ASXL3: variants seen among roughly 807,000 people sequenced by gnomAD.
The protein encoded by ASXL3 is putative Polycomb group protein ASXL3.
In ASXL3, 34 loss-of-function variants were observed where a neutral mutation model predicts 170.6. The observed-to-expected ratio is 0.20, with a 90% CI of 0.15 to 0.27. The LOEUF is 0.27. Ranked by LOEUF, ASXL3 falls within the 10% of genes least tolerant of loss-of-function variation. The pLI, the probability that ASXL3 is intolerant of heterozygous loss-of-function variation, is 1.00. For synonymous variants in ASXL3, 1,002 were observed against 989.1 expected (o/e 1.01, Z -0.24); for missense variants, 2,592 against 2,695.3 (o/e 0.96, Z 0.85).
At chr18:33,689,953 C>T (rs1477128388) in intron 8 of ASXL3, among the ~76,000 whole-genome samples, 2 of 152,062 alleles carry the variant, frequency 1.3e-5, no homozygotes, top group Non-Finnish European at 2.9e-5. Context: ...TAAATTGTCC[C>T]ACATTTGGTC....
intron 2 of ASXL3, among the ~76,000 whole-genome samples, chr18:33,637,234 A>G (rs1219531762): frequency 6.6e-6 from 1 of 152,190 alleles, no homozygotes; most frequent in Non-Finnish European, 1.5e-5. Context: ...AATATGATAT[A>G]ACATTTCTCT....
chr18:33,703,665 C>T (rs1036138136), intron 8 of ASXL3, among the ~76,000 whole-genome samples: 2 of 152,046 alleles, frequency 1.3e-5, no homozygotes, highest in Non-Finnish European at 2.9e-5. Flanking sequence ...CCCCCCCAAC[C>T]CCCACCCCCA....
chr18:33,641,406 AAAC>A (rs142971999), intron 2 of ASXL3, among the ~76,000 whole-genome samples: 2,802 of 152,176 alleles, frequency 0.018, 93 homozygotes, highest in African/African-American at 0.064. Flanking sequence ...GGGGAAAAAC[AAAC>A]AAGTAGAATA....
chr18:33,748,760 C>G lies in ASXL3; in HGVS notation c.*2165C>G, dbSNP rs1021654142. On this transcript the variant is annotated 3_prime_UTR_variant, in exon 12 of 12. Transcript: ENST00000269197. ...TGCCAACTCCTTCCAAATTCATTCA[C>G]TGCTATACCAGTGTCAGATACTGTC... 1.3e-5 allele frequency: 2 copies of G among 152,238 alleles called. No individual in the cohort carries two copies. Among genetic ancestry groups the G allele is most frequent in the South Asian group, 4.1e-4 (2 of 4,834 alleles). 9.4% of individuals were successfully genotyped at this position (152,238 alleles called of 1,614,324 possible). A position where few individuals can be genotyped will look rare whatever the true frequency, so the allele number is the denominator to read the frequency against.
At chr18:33,654,420 T>G (rs888942349) in intron 4 of ASXL3, among the ~76,000 whole-genome samples, 1 of 152,098 alleles carries the variant, frequency 6.6e-6, no homozygotes, top group African/African-American at 2.4e-5. Flanking sequence ...TCACTTTTCT[T>G]TAGTTATATT....
intron 8 of ASXL3, among the ~76,000 whole-genome samples, chr18:33,702,587 CAG>C (rs1163337564): frequency 2.0e-5 from 3 of 152,100 alleles, no homozygotes; most frequent in African/African-American, 7.2e-5. Flanking sequence ...TCCTCAGAGA[CAG>C]AGAGTATTTC....
At position 33,727,083 on chromosome 18, in the gene ASXL3, C is replaced by T. The variant is rs557327692; in HGVS notation, c.880-4885C>T. Among the ~76,000 whole-genome samples the T allele has an allele frequency of 1.1e-3, 161 of 152,208 alleles. 3 individuals carry two copies. The South Asian group carries it at 0.032, about 30-fold the overall frequency. ...TTTAGAGCCGCAATCATCTTCCCCG[C>T]ACATACTCAATGTGAATATTTTCTT... On this transcript the variant is annotated intron_variant, in intron 8 of 11. Coordinates refer to ENST00000269197, the MANE Select transcript of ASXL3 (RefSeq NM_030632.3).
chr18:33,745,896 T>TCCGCCGCCG lies in ASXL3; in HGVS notation c.6051_6059dup (p.Pro2026_Pro2028dup). ...CAATGCCAAACAAAGCACTAGTACATCCGCCGCCGCCACCGCCTCCCCCTC... is the reference window on the plus strand; with the variant it reads ...CAATGCCAAACAAAGCACTAGTACATCCGCCGCCGCCGCCGCCGCCACCGCCTCCCCCTC... On this transcript the variant is annotated inframe_insertion, in exon 12 of 12. Transcript: ENST00000269197. The TCCGCCGCCG allele has an allele frequency of 1.9e-6, 3 of 1,611,022 alleles. No homozygotes were observed. The highest frequency in any genetic ancestry group is 2.5e-6 in the Non-Finnish European group (3 of 1,179,538).
At chr18:33,712,765 A>C (rs2145352405) in intron 8 of ASXL3, among the ~76,000 whole-genome samples, 1 of 152,302 alleles carries the variant, frequency 6.6e-6, no homozygotes, top group African/African-American at 2.4e-5. Flanking sequence ...AAGGTGTGTT[A>C]GTCAAGGTAG....
chr18:33,645,024 A>G (rs374530680), intron 3 of ASXL3, 22 bp downstream of exon 3: 66 of 1,439,174 alleles, frequency 4.6e-5, no homozygotes, highest in Non-Finnish European at 6.0e-5. Context: ...TGTTCTGCAT[A>G]TTGTTATTAC....
chr18:33,679,520 A>G (rs1449060609), intron 7 of ASXL3, among the ~76,000 whole-genome samples: 1 of 152,030 alleles, frequency 6.6e-6, no homozygotes, highest in African/African-American at 2.4e-5. Context: ...TTATAAAGTC[A>G]ATTGAAGAAG....
At chr18:33,720,325 G>A (rs2067238156) in intron 8 of ASXL3, among the ~76,000 whole-genome samples, 2 of 152,020 alleles carry the variant, frequency 1.3e-5, no homozygotes, top group South Asian at 4.1e-4. Context: ...CTTAAACACA[G>A]CTGTTCAGTG....
At chr18:33,608,527 T>A (rs2145125609) in intron 2 of ASXL3, among the ~76,000 whole-genome samples, 1 of 152,104 alleles carries the variant, frequency 6.6e-6, no homozygotes, top group East Asian at 1.9e-4. Flanking sequence ...ATTTTATGGT[T>A]TTGGCTTTAG....
intron 2 of ASXL3, among the ~76,000 whole-genome samples, chr18:33,621,091 A>T (rs1240729952): frequency 6.6e-6 from 1 of 152,196 alleles, no homozygotes; most frequent in East Asian, 1.9e-4. Context: ...AAACTAAGAC[A>T]TGAATGAGGT....
At chr18:33,679,926 A>G (rs2145276875) in intron 7 of ASXL3, among the ~76,000 whole-genome samples, 1 of 152,124 alleles carries the variant, frequency 6.6e-6, no homozygotes, top group South Asian at 2.1e-4. Context: ...GTCCTTTAAT[A>G]GCTTAATAAA....
At chr18:33,668,598 A>C (rs997398500) in intron 5 of ASXL3, among the ~76,000 whole-genome samples, 1 of 152,110 alleles carries the variant, frequency 6.6e-6, no homozygotes, top group Admixed American at 6.6e-5. Flanking sequence ...AAACAGGCTC[A>C]ATATTGGTCA....
chr18:33,708,572 C>T (rs1196362222), intron 8 of ASXL3, among the ~76,000 whole-genome samples: 1 of 152,136 alleles, frequency 6.6e-6, no homozygotes, highest in African/African-American at 2.4e-5. Flanking sequence ...ACTGGATAAT[C>T]CTCTGTGGTG....
chr18:33,748,907 C>T lies in ASXL3; in HGVS notation c.*2312C>T, dbSNP rs1383933047. 1 of 152,158 alleles carries T rather than the reference C, an allele frequency of 6.6e-6. No individual in the cohort carries two copies. The highest frequency in any genetic ancestry group is 1.9e-4 in the East Asian group (1 of 5,196). The allele number at this position is 152,158 out of a possible 1,614,324, so 9.4% of individuals were successfully genotyped here. A position where few individuals can be genotyped will look rare whatever the true frequency, so the allele number is the denominator to read the frequency against. ...ATTGAGGCTGATGAGATACTGAGCT[C>T]ATTATCAGTTCCTTCATTGTTGAAT... is the stretch of plus-strand genomic sequence containing the variant. On this transcript the variant is annotated 3_prime_UTR_variant, in exon 12 of 12. Coordinates refer to ENST00000269197, the MANE Select transcript of ASXL3 (RefSeq NM_030632.3).
intron 8 of ASXL3, among the ~76,000 whole-genome samples, chr18:33,698,035 T>C (rs1271307449): frequency 1.3e-5 from 2 of 152,072 alleles, no homozygotes; most frequent in Non-Finnish European, 2.9e-5. Flanking sequence ...TGGAAGAATA[T>C]GTACTATGGT....
Sources: allele counts gnomAD v4.1 joint callset (sites outside exome capture counted in the v4.1 genomes callset), GRCh38; gene constraint gnomAD v4.1.1; transcripts MANE v1.5; gene names NCBI Gene and HGNC (gene_info 2026-07-23, HGNC 2026-07-21).